The following CAMK2D variants were observed in gnomAD, a reference collection of about 807,000 sequenced individuals.
CAMK2D encodes calcium/calmodulin dependent protein kinase II delta.
Under a neutral mutation model 84.0 loss-of-function variants are expected in CAMK2D, and 37 were observed. That is an observed-to-expected ratio of 0.44 (90% CI 0.34 to 0.58). CAMK2D has a LOEUF of 0.58. CAMK2D is among the 20% of genes least tolerant of loss of function. The pLI is 0.02. For synonymous variants in CAMK2D, 202 were observed against 212.5 expected (o/e 0.95, Z 0.43); for missense variants, 448 against 652.5 (o/e 0.69, Z 3.41).
At chr4:113,731,213 C>A (rs1314872968) in intron 2 of CAMK2D, among the ~76,000 whole-genome samples, 1 of 152,110 alleles carries the variant, frequency 6.6e-6, no homozygotes, top group East Asian at 1.9e-4. Flanking sequence ...AGATAATGGA[C>A]ATAAAATAGA....
At chr4:113,683,450 G>A (rs1217263404) in intron 2 of CAMK2D, among the ~76,000 whole-genome samples, 1 of 152,128 alleles carries the variant, frequency 6.6e-6, no homozygotes, top group Non-Finnish European at 1.5e-5. Flanking sequence ...AAGAGCACAT[G>A]ACACTTAAGG....
chr4:113,517,499 G>T, intron 9 of CAMK2D, 64 bp downstream of exon 9: 1 of 695,746 alleles, frequency 1.4e-6, no homozygotes, highest in Non-Finnish European at 2.5e-6. Context: ...GAAAAGATCT[G>T]GCTCTTGGTC....
At chr4:113,460,365 C>A (rs2097358002) in intron 17 of CAMK2D, 124 bp from the exon 18 acceptor site, 4 of 690,342 alleles carry the variant, frequency 5.8e-6, no homozygotes, top group Non-Finnish European at 1.0e-5. Flanking sequence ...CACTTACATA[C>A]AAAAGTTCTA....
intron 4 of CAMK2D, among the ~76,000 whole-genome samples, chr4:113,582,641 T>C (rs1028587070): frequency 1.8e-4 from 28 of 152,236 alleles, no homozygotes; most frequent in African/African-American, 5.3e-4. Context: ...ATTATATATA[T>C]TGATACTGAG....
intron 3 of CAMK2D, among the ~76,000 whole-genome samples, chr4:113,637,311 A>G (rs2099113813): frequency 1.3e-5 from 2 of 152,232 alleles, no homozygotes; most frequent in Admixed American, 1.3e-4. Flanking sequence ...GACACGTGTA[A>G]TTCTAAATAT....
intron 2 of CAMK2D, chr4:113,755,197 C>T (rs73845557): frequency 9.4e-5 from 25 of 266,258 alleles, no homozygotes; most frequent in South Asian, 4.5e-4. Flanking sequence ...CACACACACA[C>T]ACACACACAC....
At chr4:113,697,873 T>C (rs1472813521) in intron 2 of CAMK2D, among the ~76,000 whole-genome samples, 1 of 152,128 alleles carries the variant, frequency 6.6e-6, no homozygotes, top group Non-Finnish European at 1.5e-5. Context: ...ACCTTCTTCC[T>C]TTCTGCTCAC....
At chr4:113,455,651 A>G in intron 20 of CAMK2D, 75 bp downstream of exon 20, 2 of 810,208 alleles carry the variant, frequency 2.5e-6, no homozygotes, top group Non-Finnish European at 4.1e-6. Context: ...AATATCCTCA[A>G]AAGGAAGGAA....
chr4:113,494,180 T>C (rs1482561364), intron 16 of CAMK2D, among the ~76,000 whole-genome samples: 3 of 152,272 alleles, frequency 2.0e-5, no homozygotes, highest in Non-Finnish European at 4.4e-5. Context: ...CCGTTGCTGG[T>C]GAGGAACTGC....
At chr4:113,477,614 TG>T (rs1302672649) in intron 16 of CAMK2D, among the ~76,000 whole-genome samples, 2 of 151,582 alleles carry the variant, frequency 1.3e-5, no homozygotes, top group African/African-American at 4.8e-5. Context: ...GGTGTGGTGG[TG>T]GGTGCCTGTA....
At chr4:113,725,535 C>A (rs538743783) in intron 2 of CAMK2D, among the ~76,000 whole-genome samples, 184 of 152,194 alleles carry the variant, frequency 1.2e-3, no homozygotes, top group Non-Finnish European at 2.2e-3. Context: ...GTAAGGTAAA[C>A]CTCTCTTGCC....
chr4:113,502,086 C>T (rs1197370263), intron 15 of CAMK2D, among the ~76,000 whole-genome samples: 1 of 151,986 alleles, frequency 6.6e-6, no homozygotes, highest in African/African-American at 2.4e-5. Context: ...AGATGCATGA[C>T]TATATCTAAT....
chr4:113,697,182 T>G (rs1312821564), intron 2 of CAMK2D, among the ~76,000 whole-genome samples: 1 of 152,080 alleles, frequency 6.6e-6, no homozygotes, highest in Non-Finnish European at 1.5e-5. Context: ...TATGGAAACA[T>G]GTATATGCAA....
intron 2 of CAMK2D, chr4:113,753,633 C>G (rs2149092407): frequency 3.9e-6 from 1 of 254,344 alleles, no homozygotes; most frequent in Admixed American, 6.5e-5. Flanking sequence ...TAAGAAACAG[C>G]CTACGTCATT....
chr4:113,628,072 C>CAAAT (rs35583052), intron 3 of CAMK2D, among the ~76,000 whole-genome samples: 13,781 of 152,144 alleles, frequency 0.091, 1,866 homozygotes, highest in African/African-American at 0.29. Flanking sequence ...TTAATAAACA[C>CAAAT]ACTTAACTGT....
intron 6 of CAMK2D, among the ~76,000 whole-genome samples, chr4:113,547,088 G>T (rs2098583064): frequency 6.6e-6 from 1 of 151,974 alleles, no homozygotes; most frequent in South Asian, 2.1e-4. Flanking sequence ...TTGGTCTTTA[G>T]GAATATAAAT....
intron 3 of CAMK2D, among the ~76,000 whole-genome samples, chr4:113,653,002 T>C (rs1300343441): frequency 6.6e-6 from 1 of 152,106 alleles, no homozygotes; most frequent in East Asian, 1.9e-4. Context: ...ACAAATGTAC[T>C]CAGATTCAAA....
intron 3 of CAMK2D, among the ~76,000 whole-genome samples, chr4:113,655,541 T>C (rs2099195819): frequency 6.6e-6 from 1 of 152,118 alleles, no homozygotes; most frequent in African/African-American, 2.4e-5. Flanking sequence ...CTTATAAAGA[T>C]AGTGTTAATC....
intron 19 of CAMK2D, 116 bp downstream of exon 19, chr4:113,457,219 A>T: frequency 6.8e-7 from 1 of 1,462,246 alleles, no homozygotes; most frequent in Admixed American, 2.7e-5. Flanking sequence ...TATTTTCATC[A>T]GTGTAACCAA....
Sources: allele counts gnomAD v4.1 joint callset (sites outside exome capture counted in the v4.1 genomes callset), GRCh38; gene constraint gnomAD v4.1.1; transcripts MANE v1.5; gene names NCBI Gene and HGNC (gene_info 2026-07-23, HGNC 2026-07-21).